THRB: variants seen among roughly 807,000 people sequenced by gnomAD.
The protein encoded by THRB is thyroid hormone receptor beta, also known as nuclear receptor subfamily 1 group A member 2.
A neutral mutation model predicts 47.8 loss-of-function variants in THRB; 12 were observed. The observed-to-expected ratio is 0.25, with a 90% CI of 0.16 to 0.41. The LOEUF (loss-of-function observed/expected upper bound fraction) is 0.41. Among genes scored for constraint, THRB ranks in the 10% least tolerant of loss-of-function variants. The pLI is 1.00. For synonymous variants in THRB, 218 were observed against 212.2 expected, an observed-to-expected ratio of 1.03 and a Z score of -0.24; for missense variants, 348 against 589.2, an observed-to-expected ratio of 0.59 and a Z score of 4.24.
chr3:24,443,006 A>G (rs956720747), intron 1 of THRB, among the ~76,000 whole-genome samples: 11 of 151,482 alleles, frequency 7.3e-5, no homozygotes, highest in African/African-American at 2.4e-4. Context: ...CAATGGTGAA[A>G]CTCCGTCTGT....
intron 5 of THRB, among the ~76,000 whole-genome samples, chr3:24,153,051 T>A (rs2037254315): frequency 6.6e-6 from 1 of 151,346 alleles, no homozygotes; most frequent in African/African-American, 2.4e-5. Flanking sequence ...GCAGGAAGGC[T>A]GTAGAGCCAG....
chr3:24,447,937 C>T (rs2072261707), intron 1 of THRB, among the ~76,000 whole-genome samples: 1 of 152,098 alleles, frequency 6.6e-6, no homozygotes, highest in Admixed American at 6.5e-5. Flanking sequence ...GAGCGCTAGT[C>T]ATCACGACCA....
chr3:24,441,602 G>A (rs1249014224), intron 1 of THRB, among the ~76,000 whole-genome samples: 1 of 152,090 alleles, frequency 6.6e-6, no homozygotes, highest in African/African-American at 2.4e-5. Flanking sequence ...TGAATGAACC[G>A]AGGCAATAAA....
At chr3:24,364,459 T>C (rs983091717) in intron 1 of THRB, among the ~76,000 whole-genome samples, 2 of 152,198 alleles carry the variant, frequency 1.3e-5, no homozygotes, top group African/African-American at 4.8e-5. Flanking sequence ...AAAATAACTT[T>C]CCACAAATGA....
At chr3:24,131,195 T>C (rs1007787877) in intron 9 of THRB, among the ~76,000 whole-genome samples, 1 of 152,230 alleles carries the variant, frequency 6.6e-6, no homozygotes, top group Non-Finnish European at 1.5e-5. Flanking sequence ...TATATATGTA[T>C]GTATGTGTAT....
chr3:24,214,582 A>G (rs573598987), intron 4 of THRB, among the ~76,000 whole-genome samples: 1 of 152,286 alleles, frequency 6.6e-6, no homozygotes, highest in Admixed American at 6.5e-5. Context: ...AATCCCAAAG[A>G]CCAAGGCTGC....
chr3:24,203,865 C>T (rs547340651), intron 4 of THRB, among the ~76,000 whole-genome samples: 75 of 152,370 alleles, frequency 4.9e-4, no homozygotes, highest in African/African-American at 1.6e-3. Flanking sequence ...TTATATCCCA[C>T]GCCTGGCTTG....
intron 1 of THRB, among the ~76,000 whole-genome samples, chr3:24,405,198 G>A (rs2067721907): frequency 6.6e-6 from 1 of 151,946 alleles, no homozygotes. Context: ...GAGCATGCTT[G>A]CTTTTAAGTG....
At chr3:24,411,767 G>A (rs1338750224) in intron 1 of THRB, among the ~76,000 whole-genome samples, 1 of 151,656 alleles carries the variant, frequency 6.6e-6, no homozygotes, top group Non-Finnish European at 1.5e-5. Context: ...GGAAACTAGT[G>A]GGGGATGTTA....
chr3:24,476,230 C>T (rs1477386144), intron 1 of THRB, among the ~76,000 whole-genome samples: 1 of 152,202 alleles, frequency 6.6e-6, no homozygotes, highest in East Asian at 1.9e-4. Flanking sequence ...TCTGACTCTC[C>T]AAGGGTTCTC....
chr3:24,198,174 G>T (rs1293586683), intron 4 of THRB, among the ~76,000 whole-genome samples: 4 of 152,196 alleles, frequency 2.6e-5, no homozygotes, highest in Non-Finnish European at 5.9e-5. Context: ...CAGGAACTCT[G>T]CCCCAGCTGA....
intron 9 of THRB, among the ~76,000 whole-genome samples, chr3:24,131,981 A>T (rs1290209408): frequency 6.6e-6 from 1 of 152,196 alleles, no homozygotes; most frequent in Non-Finnish European, 1.5e-5. Context: ...CCCGAAGCCC[A>T]CTTTCCTGTC....
In THRB at chr3:24,122,863, A is replaced by T; in HGVS notation, c.*21T>A. 1 of 1,614,236 alleles carries T rather than the reference A, an allele frequency of 6.2e-7. No homozygotes were observed. The highest frequency in any genetic ancestry group is 1.1e-5 in the South Asian group (1 of 91,090). Reference sequence around the variant, plus strand: ...GACACCCAGTAGTGCTGTAGGAATTATGAGAATGAATCCAGTCAGTCTAAT... The same window carrying T: ...GACACCCAGTAGTGCTGTAGGAATTTTGAGAATGAATCCAGTCAGTCTAAT... On this transcript the variant is annotated 3_prime_UTR_variant, in exon 11 of 11. Transcript: ENST00000646209.
chr3:24,412,505 T>C (rs973283370), intron 1 of THRB, among the ~76,000 whole-genome samples: 1 of 151,752 alleles, frequency 6.6e-6, no homozygotes, highest in African/African-American at 2.4e-5. Flanking sequence ...TCTTCATGTA[T>C]CAAAATAAAA....
intron 1 of THRB, among the ~76,000 whole-genome samples, chr3:24,352,361 T>C (rs897913057): frequency 2.0e-5 from 3 of 152,180 alleles, no homozygotes; most frequent in Non-Finnish European, 4.4e-5. Flanking sequence ...CCAAGCACCA[T>C]GGTCCAGTTC....
At chr3:24,365,459 G>C (rs2149689870) in intron 1 of THRB, among the ~76,000 whole-genome samples, 1 of 152,248 alleles carries the variant, frequency 6.6e-6, no homozygotes, top group Non-Finnish European at 1.5e-5. Flanking sequence ...TTAGTAACAT[G>C]GCTGCTTTAT....
chr3:24,183,139 A>T (rs2042116586), intron 5 of THRB, among the ~76,000 whole-genome samples: 1 of 151,968 alleles, frequency 6.6e-6, no homozygotes, highest in Admixed American at 6.6e-5. Flanking sequence ...AGCTGTGCAC[A>T]TGATGTTTTG....
At position 24,199,931 on chromosome 3, in the gene THRB, A is replaced by C. The variant is rs535446904; in HGVS notation, c.23-9597T>G. ...AAGCTGACTGCTGAACACTGACCAG[A>C]GGCCCTGAGCACTGGGAAAATACTT... On this transcript the variant is annotated intron_variant, in intron 4 of 10. Coordinates refer to ENST00000646209, the MANE Select transcript of THRB (RefSeq NM_001354712.2). 1.5e-4 allele frequency among the ~76,000 whole-genome samples: 23 copies of C among 152,340 alleles called. No homozygotes were observed. In the South Asian group the frequency reaches 1.7e-3, roughly 11 times the overall value.
intron 1 of THRB, among the ~76,000 whole-genome samples, chr3:24,358,931 G>A (rs1375900560): frequency 2.6e-5 from 4 of 152,174 alleles, no homozygotes; most frequent in East Asian, 1.9e-4. Flanking sequence ...ATGCTCTCAC[G>A]ACTTCCTTGA....
Sources: gnomAD v4.1 joint callset for allele counts (sites outside exome capture counted in the v4.1 genomes callset) on GRCh38, gnomAD v4.1.1 for gene constraint, MANE v1.5 for transcripts, NCBI Gene and HGNC (gene_info 2026-07-23, HGNC 2026-07-21) for gene names.